Variants in HTR2A observed in about 807,000 individuals in gnomAD.
HTR2A encodes 5-hydroxytryptamine receptor 2A, also known as 5-HT2 receptor.
In HTR2A, 14 loss-of-function variants were observed where a neutral mutation model predicts 31.0. That is an observed-to-expected ratio of 0.45 (90% CI 0.30 to 0.71). The LOEUF is 0.71. Ranked by LOEUF, HTR2A falls within the 30% of genes least tolerant of loss-of-function variation. HTR2A has a pLI of 0.09. For synonymous variants in HTR2A, 209 were observed against 225.2 expected (o/e 0.93, Z 0.64); for missense variants, 442 against 573.3 (o/e 0.77, Z 2.34).
At chr13:46,849,627 G>T (rs993909124) in intron 3 of HTR2A, among the ~76,000 whole-genome samples, 5 of 152,094 alleles carry the variant, frequency 3.3e-5, no homozygotes, top group Admixed American at 2.6e-4. Flanking sequence ...TGTTCCCACT[G>T]CCAGGAACAC....
intron 3 of HTR2A, among the ~76,000 whole-genome samples, chr13:46,855,782 C>T (rs1950731393): frequency 1.3e-5 from 2 of 152,262 alleles, no homozygotes; most frequent in South Asian, 4.2e-4. Flanking sequence ...AACATGTCCA[C>T]TAGCCAGATC....
intron 3 of HTR2A, among the ~76,000 whole-genome samples, chr13:46,874,702 T>G (rs1479953708): frequency 6.6e-6 from 1 of 152,210 alleles, no homozygotes; most frequent in African/African-American, 2.4e-5. Flanking sequence ...TCCATAAACA[T>G]TAGGAATCCT....
intron 3 of HTR2A, among the ~76,000 whole-genome samples, chr13:46,857,727 C>T (rs1593433096): frequency 6.6e-6 from 1 of 152,096 alleles, no homozygotes; most frequent in African/African-American, 2.4e-5. Context: ...GAAATAAATG[C>T]CCTGGAGGCA....
chr13:46,846,118 AG>A (rs1397023996), intron 3 of HTR2A, among the ~76,000 whole-genome samples: 1 of 152,176 alleles, frequency 6.6e-6, no homozygotes, highest in Non-Finnish European at 1.5e-5. Context: ...AAAAGCCATT[AG>A]TTTGCAATGA....
At chr13:46,858,464 G>T (rs1950755932) in intron 3 of HTR2A, among the ~76,000 whole-genome samples, 1 of 152,106 alleles carries the variant, frequency 6.6e-6, no homozygotes, top group African/African-American at 2.4e-5. Flanking sequence ...ATGGAAGGCA[G>T]GGAATAATTC....
In HTR2A at chr13:46,835,345, G is replaced by A. The variant is rs192924120; in HGVS notation, c.908C>T (p.Pro303Leu). 1.2e-4 allele frequency: 194 copies of A among 1,614,076 alleles called. No homozygotes were observed. The highest frequency in any genetic ancestry group is 1.6e-4 in the Non-Finnish European group (190 of 1,179,990). Reference sequence around the variant, plus strand: ...AGTCCTCCTGCCTGTGTAGGACCCTGGCTCCCTATGGATCGACCGCTGGAA... The same window carrying A: ...AGTCCTCCTGCCTGTGTAGGACCCTAGCTCCCTATGGATCGACCGCTGGAA... Reference protein sequence around the residue: ...KLFQRSIHREPGSYTGRRTMQ... With the variant: ...KLFQRSIHRELGSYTGRRTMQ... The change falls in exon 4 of 4, where the codon CCA becomes CTA. Residue 303 changes from proline (P) to leucine (L), a missense_variant. This residue lies in a region of HTR2A where 174 missense variants were observed against 195.1 expected (regional missense o/e 0.89). Transcript: ENST00000542664.
Position 46,846,289 on chromosome 13 carries a change from C to G in HTR2A, c.614-10650G>C, listed in dbSNP as rs142388760. 9.5e-3 allele frequency among the ~76,000 whole-genome samples: 1,445 copies of G among 151,992 alleles called. 13 individuals carry two copies. The highest frequency in any genetic ancestry group is 0.024 in the Middle Eastern group (7 of 294). ...TTATATAGTAAATATAAAGTAAATA[C>G]TATATAGTAAATATAGTATTGTCTA... On this transcript the variant is annotated intron_variant, in intron 3 of 3. Coordinates refer to ENST00000542664, the MANE Select transcript of HTR2A (RefSeq NM_000621.5).
intron 3 of HTR2A, among the ~76,000 whole-genome samples, chr13:46,868,872 A>G (rs754766288): frequency 1.3e-5 from 2 of 152,180 alleles, no homozygotes. Context: ...TCTTATTAAG[A>G]AGTGTTAGAA....
intron 3 of HTR2A, among the ~76,000 whole-genome samples, chr13:46,883,245 G>A (rs549881161): frequency 1.6e-5 from 2 of 126,842 alleles, no homozygotes; most frequent in African/African-American, 5.7e-5. Context: ...CTGCATGAAG[G>A]CAAGAGGTTA....
intron 3 of HTR2A, among the ~76,000 whole-genome samples, chr13:46,860,869 C>T (rs1160325575): frequency 6.6e-6 from 1 of 152,098 alleles, no homozygotes; most frequent in Non-Finnish European, 1.5e-5. Context: ...CTTACTCAGG[C>T]AGGCTGACCA....
chr13:46,878,750 C>CAGTAG (rs1158334240), intron 3 of HTR2A, among the ~76,000 whole-genome samples: 2 of 152,038 alleles, frequency 1.3e-5, no homozygotes, highest in African/African-American at 4.8e-5. Flanking sequence ...TAAAGAGTAA[C>CAGTAG]ACTAGATGAG....
chr13:46,894,672 A>G (rs902306584), intron 2 of HTR2A, among the ~76,000 whole-genome samples: 6 of 152,218 alleles, frequency 3.9e-5, no homozygotes, highest in South Asian at 2.1e-4. Context: ...AGCAGTCACA[A>G]TAGTCTCTCC....
chr13:46,872,769 T>C (rs1950873311), intron 3 of HTR2A, among the ~76,000 whole-genome samples: 1 of 152,226 alleles, frequency 6.6e-6, no homozygotes, highest in Admixed American at 6.5e-5. Context: ...AAAAGTCTGC[T>C]CCAATCCTAA....
chr13:46,850,216 G>A (rs1566303498), intron 3 of HTR2A, among the ~76,000 whole-genome samples: 1 of 152,146 alleles, frequency 6.6e-6, no homozygotes, highest in Non-Finnish European at 1.5e-5. Flanking sequence ...TGCTAACAGT[G>A]CATCAGGGAG....
rs185040200 is a variant in HTR2A at position 46,895,846 on chromosome 13, A to T, written c.61T>A (p.Leu21Ile). 1 of 1,614,136 alleles carries T rather than the reference A, an allele frequency of 6.2e-7. No individual in the cohort carries two copies. The highest frequency in any genetic ancestry group is 2.2e-5 in the East Asian group (1 of 44,888). ...CTGTAGAGCCTGGTGTCATCATTTAATTGCATTAGGGAGTTCGTAGTTGAG... is the reference window on the plus strand; with the variant it reads ...CTGTAGAGCCTGGTGTCATCATTTATTTGCATTAGGGAGTTCGTAGTTGAG... ...LSSTTNSLMQ[L>I]NDDTRLYSND... The change falls in exon 2 of 4, where the codon TTA (leucine) becomes ATA (isoleucine). Residue 21 changes from leucine to isoleucine, a missense_variant. Physicochemically the swap from Leu to Ile is conservative, Grantham distance 5 (BLOSUM62 2). Coordinates refer to ENST00000542664, the MANE Select transcript of HTR2A (RefSeq NM_000621.5). The surrounding 1 kb of genome is among the most constrained non-coding windows in gnomAD (Gnocchi z 4.4).
intron 3 of HTR2A, among the ~76,000 whole-genome samples, chr13:46,862,078 G>A (rs1470513651): frequency 6.6e-6 from 1 of 152,180 alleles, no homozygotes; most frequent in Non-Finnish European, 1.5e-5. Flanking sequence ...CAAATTAGCT[G>A]TGGACCTCAA....
At chr13:46,854,184 T>G (rs1396860755) in intron 3 of HTR2A, 6 of 152,184 alleles carry the variant, frequency 3.9e-5, no homozygotes, top group African/African-American at 1.4e-4. Flanking sequence ...AAGTTTCCTC[T>G]CTGAGTTGTG....
intron 3 of HTR2A, among the ~76,000 whole-genome samples, chr13:46,890,278 G>T (rs1951042231): frequency 1.3e-5 from 2 of 152,228 alleles, no homozygotes; most frequent in African/African-American, 4.8e-5. Context: ...GGGAGGCGGA[G>T]GTTGCGGTGA....
chr13:46,879,504 G>A (rs868320689), intron 3 of HTR2A, among the ~76,000 whole-genome samples: 1 of 152,278 alleles, frequency 6.6e-6, no homozygotes, highest in South Asian at 2.1e-4. Flanking sequence ...ATTAACATAA[G>A]TTGGAGAGAG....
Sources: allele counts gnomAD v4.1 joint callset (sites outside exome capture counted in the v4.1 genomes callset), GRCh38; gene constraint gnomAD v4.1.1; regional missense constraint gnomAD v4.1.1; non-coding constraint Gnocchi (gnomAD v3.1); transcripts MANE v1.5; gene names NCBI Gene and HGNC (gene_info 2026-07-23, HGNC 2026-07-21).